KCTD5: variants seen among roughly 807,000 people sequenced by gnomAD.
The protein encoded by KCTD5 is potassium channel tetramerization domain containing 5.
Under a neutral mutation model 27.9 loss-of-function variants are expected in KCTD5, and 12 were observed. That is an observed-to-expected ratio of 0.43 (90% confidence interval 0.28 to 0.70). The LOEUF (loss-of-function observed/expected upper bound fraction) is 0.70, where lower values mean the gene tolerates loss of function less well. Among genes scored for constraint, KCTD5 ranks in the 30% least tolerant of loss-of-function variants. The pLI is 0.19. For missense variants in KCTD5, 226 were observed against 274.8 expected, an observed-to-expected ratio of 0.82 and a Z score of 1.26; for synonymous variants, 147 against 121.4, an observed-to-expected ratio of 1.21 and a Z score of -1.39.
intron 4 of KCTD5, among the ~76,000 whole-genome samples, chr16:2,700,213 G>A (rs1356880888): frequency 6.6e-6 from 1 of 152,216 alleles, no homozygotes; most frequent in Non-Finnish European, 1.5e-5. Context: ...GTGTGAGGGA[G>A]GGGACTGGCG....
intron 5 of KCTD5, among the ~76,000 whole-genome samples, chr16:2,704,893 A>G (rs1260758374): frequency 1.3e-5 from 2 of 152,166 alleles, no homozygotes; most frequent in African/African-American, 2.4e-5. Context: ...GCGCCTCTGG[A>G]CAGGGTTCAG....
intron 5 of KCTD5, 23 bp from the exon 6 acceptor site, chr16:2,707,275 T>C: frequency 6.2e-7 from 1 of 1,611,696 alleles, no homozygotes; most frequent in Non-Finnish European, 8.5e-7. Flanking sequence ...AAGTCCTCAT[T>C]TTATGCATTT....
chr16:2,688,129 G>A (rs569320784), intron 1 of KCTD5, among the ~76,000 whole-genome samples: 88 of 151,562 alleles, frequency 5.8e-4, no homozygotes, highest in Non-Finnish European at 8.4e-4. Context: ...CCCCCGCCCC[G>A]TACCTGGTGC....
At chr16:2,706,008 T>G (rs1463114614) in intron 5 of KCTD5, among the ~76,000 whole-genome samples, 1 of 151,964 alleles carries the variant, frequency 6.6e-6, no homozygotes, top group Admixed American at 6.6e-5. Flanking sequence ...CTGCACTGTC[T>G]CCCCAAGTCA....
At chr16:2,705,179 A>G (rs2067630149) in intron 5 of KCTD5, among the ~76,000 whole-genome samples, 1 of 152,132 alleles carries the variant, frequency 6.6e-6, no homozygotes, top group Non-Finnish European at 1.5e-5. Context: ...GCTCAGATTA[A>G]GTGTGAATGT....
chr16:2,689,653 C>T lies in KCTD5; in HGVS notation c.253-6282C>T, dbSNP rs1275934307. ...TCTGGCGTGAGAGCCTGGCAGTCTC[C>T]ACCCTCATTCCTCACTGCCGTTTTC... On this transcript the variant is annotated intron_variant, in intron 1 of 5. Coordinates refer to ENST00000301738, the MANE Select transcript of KCTD5 (RefSeq NM_018992.4). Among the ~76,000 whole-genome samples, 3 of 151,430 alleles carry T rather than the reference C, an allele frequency of 2.0e-5. No individual in the cohort carries two copies. In the South Asian group the frequency reaches 6.3e-4, roughly 32 times the overall value.
In KCTD5 at chr16:2,682,563, C is replaced by T. The variant is rs1257361538; in HGVS notation, c.15C>T (p.His5=). 9.2e-6 allele frequency: 13 copies of T among 1,413,666 alleles called. No individual in the cohort carries two copies. Among genetic ancestry groups the T allele is most frequent in the Non-Finnish European group, 1.2e-5 (13 of 1,087,918 alleles). The allele number at this position is 1,413,666 out of a possible 1,614,324, so 87.6% of individuals were successfully genotyped here. Reference sequence around the variant, plus strand: ...TTGCTGGGATCATGGCGGAGAATCACTGCGAGCTCCTGTCGCCGGCCCGGG... The same window carrying T: ...TTGCTGGGATCATGGCGGAGAATCATTGCGAGCTCCTGTCGCCGGCCCGGG... MAEN[H]CELLSPARGG... is the part of the protein sequence containing the mutation. The change falls in exon 1 of 6, where the codon CAC becomes CAT. Residue 5 remains histidine, a synonymous_variant. Coordinates refer to ENST00000301738, the MANE Select transcript of KCTD5 (RefSeq NM_018992.4).
At chr16:2,699,501 C>G (rs2067601963) in intron 3 of KCTD5, among the ~76,000 whole-genome samples, 1 of 152,252 alleles carries the variant, frequency 6.6e-6, no homozygotes, top group Non-Finnish European at 1.5e-5. Context: ...TGCACGGTTG[C>G]TGCGTGCGGA....
At chr16:2,702,589 C>T (rs1274681737) in intron 5 of KCTD5, 111 bp downstream of exon 5, 2 of 1,411,550 alleles carry the variant, frequency 1.4e-6, no homozygotes, top group Admixed American at 4.7e-5. Flanking sequence ...GTGTCCGCCC[C>T]TGGTGGCCTT....
chr16:2,705,207 C>T (rs1567196844), intron 5 of KCTD5, among the ~76,000 whole-genome samples: 1 of 152,166 alleles, frequency 6.6e-6, no homozygotes, highest in Non-Finnish European at 1.5e-5. Context: ...AGCTCCGTGG[C>T]CTCCTTGACC....
chr16:2,697,710 C>G (rs553833719), intron 2 of KCTD5, among the ~76,000 whole-genome samples, 196 bp from the exon 3 acceptor site: 1 of 152,232 alleles, frequency 6.6e-6, no homozygotes, highest in Non-Finnish European at 1.5e-5. Context: ...ACGGCCCCTC[C>G]GCCCATTATC....
rs2067643290 is a variant in KCTD5, at chr16:2,707,689, G to C, written c.*362G>C. On this transcript the variant is annotated 3_prime_UTR_variant, in exon 6 of 6. Coordinates refer to ENST00000301738, the MANE Select transcript of KCTD5 (RefSeq NM_018992.4). ...GTGCTACACACAGTCTGGAAAAGCA[G>C]CCTGGGCTTCACTGGCAGGAAGCGG... is the stretch of plus-strand genomic sequence containing the variant. 1 of 527,172 alleles carries C rather than the reference G, an allele frequency of 1.9e-6. No homozygotes were observed. The highest frequency in any genetic ancestry group is 3.4e-5 in the Admixed American group (1 of 29,194). The allele number at this position is 527,172 out of a possible 1,614,324, so 32.7% of individuals were successfully genotyped here. A position where few individuals can be genotyped will look rare whatever the true frequency, so the allele number is the denominator to read the frequency against.
At chr16:2,696,478 C>A (rs1202191541) in intron 2 of KCTD5, among the ~76,000 whole-genome samples, 5 of 152,188 alleles carry the variant, frequency 3.3e-5, no homozygotes, top group African/African-American at 1.2e-4. Flanking sequence ...TGTGCCATCA[C>A]CTGGACTGTG....
chr16:2,689,536 G>A (rs28711015), intron 1 of KCTD5, among the ~76,000 whole-genome samples: 1 of 127,540 alleles, frequency 7.8e-6, no homozygotes, highest in African/African-American at 3.0e-5. Context: ...CGAGCACCGG[G>A]AATGACTGAG....
At chr16:2,691,275 T>C (rs2067565381) in intron 1 of KCTD5, among the ~76,000 whole-genome samples, 1 of 152,222 alleles carries the variant, frequency 6.6e-6, no homozygotes, top group Admixed American at 6.5e-5. Context: ...GGTGCGGATG[T>C]CCCTGACCTT....
At chr16:2,701,067 C>A (rs887788206) in intron 4 of KCTD5, among the ~76,000 whole-genome samples, 2 of 152,202 alleles carry the variant, frequency 1.3e-5, no homozygotes, top group Non-Finnish European at 2.9e-5. Context: ...TCGGGGTCCG[C>A]GAACAGGGCT....
Position 2,682,723 on chromosome 16 carries a change from C to T in KCTD5, c.175C>T (p.Arg59Trp), listed in dbSNP as rs746098413. ...NVGGTYFLTT[R>W]QTLCRDPKSF... ...CGGCGGCACCTACTTCCTCACCACT[C>T]GGCAGACCCTGTGCCGGGACCCGAA... The change falls in exon 1 of 6, where the codon CGG (arginine) becomes TGG (tryptophan). Residue 59 changes from arginine (R) to tryptophan (W), a missense_variant. This residue lies in a region of KCTD5 where 135 missense variants were observed against 207.0 expected (regional missense o/e 0.65). Coordinates refer to ENST00000301738, the MANE Select transcript of KCTD5 (RefSeq NM_018992.4). 2.5e-6 allele frequency: 4 copies of T among 1,610,840 alleles called. No homozygotes were observed. The highest frequency in any genetic ancestry group is 3.4e-6 in the Non-Finnish European group (4 of 1,178,990).
At chr16:2,684,764 C>CAAAAA (rs1408507684) in intron 1 of KCTD5, 5 of 127,244 alleles carry the variant, frequency 3.9e-5, no homozygotes, top group African/African-American at 1.3e-4. Context: ...GACTCCATCA[C>CAAAAA]AAAAAAAAAA....
At chr16:2,693,620 T>G (rs1417038623) in intron 1 of KCTD5, among the ~76,000 whole-genome samples, 3 of 152,214 alleles carry the variant, frequency 2.0e-5, no homozygotes, top group Non-Finnish European at 2.9e-5. Context: ...CCTCCTTCCC[T>G]CCTGCCTTCA....
Sources: gnomAD v4.1 joint callset for allele counts (sites outside exome capture counted in the v4.1 genomes callset) on GRCh38, gnomAD v4.1.1 for gene constraint, gnomAD v4.1.1 regional missense constraint, MANE v1.5 for transcripts, NCBI Gene and HGNC (gene_info 2026-07-23, HGNC 2026-07-21) for gene names.